CCDC149: variants seen among roughly 807,000 people sequenced by gnomAD.
CCDC149 encodes the protein coiled-coil domain containing 149.
In CCDC149, 45 loss-of-function variants were observed where a neutral mutation model predicts 59.9. The observed-to-expected ratio is 0.75, with a 90% CI of 0.59 to 0.96. The LOEUF is 0.96. Ranked by LOEUF, CCDC149 falls within the 40% of genes least tolerant of loss-of-function variation. The pLI, the probability that CCDC149 is intolerant of heterozygous loss-of-function variation, is 0.00. For synonymous variants in CCDC149, 245 were observed against 260.6 expected, an observed-to-expected ratio of 0.94 and a Z score of 0.58; for missense variants, 584 against 664.7, an observed-to-expected ratio of 0.88 and a Z score of 1.33.
At chr4:24,916,220 C>T (rs1481950952), upstream of CCDC149, among the ~76,000 whole-genome samples, 4 of 152,104 alleles carry the variant, frequency 2.6e-5, no homozygotes, top group Non-Finnish European at 5.9e-5. Flanking sequence ...AGCCCCGGGA[C>T]CAGTTTTATT....
At chr4:24,976,206 C>G (rs975726400) in intron 1 of CCDC149, among the ~76,000 whole-genome samples, 3 of 152,142 alleles carry the variant, frequency 2.0e-5, no homozygotes, top group Admixed American at 6.6e-5. Flanking sequence ...TCAAAGAGAT[C>G]CTTACTAATC....
chr4:24,861,653 C>A (rs1718392834), intron 3 of CCDC149, among the ~76,000 whole-genome samples: 1 of 151,964 alleles, frequency 6.6e-6, no homozygotes, highest in Non-Finnish European at 1.5e-5. Context: ...AAAATGTAAC[C>A]CCCTTGTAAG....
intron 2 of CCDC149, among the ~76,000 whole-genome samples, chr4:24,875,091 G>T (rs778396898): frequency 6.6e-6 from 1 of 152,110 alleles, no homozygotes; most frequent in African/African-American, 2.4e-5. Context: ...GGCAGATCAC[G>T]AGGTCAGGAG....
In CCDC149 at chr4:24,905,720, G is replaced by C. The variant is rs184078020; in HGVS notation, c.63+7097C>G. Among the ~76,000 whole-genome samples the C allele has an allele frequency of 2.8e-3, 421 of 152,302 alleles. 6 individuals are homozygous for C. The highest frequency in any genetic ancestry group is 9.6e-3 in the African/African-American group (400 of 41,564). ...CAAAATGCTGGCATTACAGGCGTGA[G>C]CCATGGTGCCCAGCCTACTCTTATT... On this transcript the variant is annotated intron_variant, in intron 1 of 12. Coordinates refer to ENST00000635206, the MANE Select transcript of CCDC149 (RefSeq NM_001330643.2).
chr4:24,954,985 A>C (rs1577504700), intron 1 of CCDC149, among the ~76,000 whole-genome samples: 1 of 152,290 alleles, frequency 6.6e-6, no homozygotes, highest in South Asian at 2.1e-4. Flanking sequence ...TCTACATTTT[A>C]TTATAAGTAG....
chr4:24,965,872 T>C (rs1488931422), intron 1 of CCDC149, among the ~76,000 whole-genome samples: 1 of 152,250 alleles, frequency 6.6e-6, no homozygotes, highest in Middle Eastern at 3.2e-3. Flanking sequence ...CCCCGCACGT[T>C]ATGTAACCAT....
Position 24,819,912 on chromosome 4 carries a change from G to A in CCDC149, c.1139C>T (p.Pro380Leu). The change falls in exon 12 of 13, where the codon CCA becomes CTA. Residue 380 changes from proline to leucine, a missense_variant. Pro to Leu is a moderately conservative substitution (Grantham distance 98, BLOSUM62 -3). Coordinates refer to ENST00000635206, the MANE Select transcript of CCDC149 (RefSeq NM_001330643.2). ...GGGCTGCTCGACAAACTTCAGCAGT[G>A]GGGATCTCGACCTCTGTCCACTAGG... 1 of 1,551,688 alleles carries A rather than the reference G, an allele frequency of 6.4e-7. No individual in the cohort carries two copies. Among genetic ancestry groups the A allele is most frequent in the Non-Finnish European group, 8.7e-7 (1 of 1,146,990 alleles).
At chr4:24,954,916 TGAGAA>T (rs1405624020) in intron 1 of CCDC149, among the ~76,000 whole-genome samples, 11 of 152,258 alleles carry the variant, frequency 7.2e-5, no homozygotes, top group Non-Finnish European at 1.5e-4. Context: ...ATGGTTAAAC[TGAGAA>T]TTTTTAAAAT....
At chr4:24,970,221 C>T (rs1723918444) in intron 1 of CCDC149, among the ~76,000 whole-genome samples, 1 of 152,216 alleles carries the variant, frequency 6.6e-6, no homozygotes. Context: ...GGACTCAGCC[C>T]ACACCTACAC....
At chr4:24,832,768 C>T (rs549760891) in intron 8 of CCDC149, among the ~76,000 whole-genome samples, 103 of 152,296 alleles carry the variant, frequency 6.8e-4, no homozygotes, top group African/African-American at 2.4e-3. Flanking sequence ...TTCCATACTT[C>T]TGCAAATAGA....
chr4:24,950,969 T>G (rs1220298908), intron 1 of CCDC149, among the ~76,000 whole-genome samples: 1 of 152,216 alleles, frequency 6.6e-6, no homozygotes, highest in African/African-American at 2.4e-5. Context: ...GGAAACAGAT[T>G]CCCTCAACAT....
chr4:24,831,173 T>C (rs1028351214), intron 9 of CCDC149: 1 of 183,584 alleles, frequency 5.4e-6, no homozygotes, highest in Admixed American at 6.1e-5. Flanking sequence ...ACTGAGGCAG[T>C]TTCTCCCCTA....
rs1194269749 is a variant in CCDC149, at chr4:24,808,827, C to T, written c.1193-8G>A. On this transcript the variant is annotated splice_polypyrimidine_tract_variant and splice_region_variant and intron_variant, in intron 12 of 12. Transcript: ENST00000635206. ...CTTGCTTCTGAGCCTCCCCTGAAAA[C>T]AGAACGAGGACAACATTAAACCTCT... 3 of 1,540,776 alleles carry T rather than the reference C, an allele frequency of 1.9e-6. No homozygotes were observed. Among genetic ancestry groups the T allele is most frequent in the South Asian group, 2.4e-5 (2 of 82,222 alleles).
chr4:24,886,191 G>A (rs1720168785), intron 1 of CCDC149, among the ~76,000 whole-genome samples: 1 of 152,198 alleles, frequency 6.6e-6, no homozygotes, highest in South Asian at 2.1e-4. Flanking sequence ...GGAATATATT[G>A]GAAGGATACT....
intron 1 of CCDC149, among the ~76,000 whole-genome samples, chr4:24,905,410 CGTGCGTGTGTGTGTGT>C (rs1254459482): frequency 1.6e-3 from 147 of 93,820 alleles, no homozygotes; most frequent in Non-Finnish European, 3.2e-3. Context: ...TTTTTGCGTG[CGTGCGTGTGTGTGTGT>C]GTGTGTGTGT....
At chr4:24,803,521 G>A (rs1355452312), downstream of CCDC149, among the ~76,000 whole-genome samples, 1 of 151,590 alleles carries the variant, frequency 6.6e-6, no homozygotes, top group African/African-American at 2.4e-5. This position sits in a 1 kb window ranked among gnomAD's most constrained non-coding sequence, Gnocchi z 4.3. Context: ...ATCTCTATCA[G>A]GAAAATTGCC....
intron 4 of CCDC149, among the ~76,000 whole-genome samples, chr4:24,846,628 G>T (rs1396983496): frequency 6.6e-6 from 1 of 152,122 alleles, no homozygotes; most frequent in Non-Finnish European, 1.5e-5. Flanking sequence ...GTCAATAGAG[G>T]TATGTTCACA....
chr4:24,894,867 C>G (rs1316660593), intron 1 of CCDC149: 2 of 1,236,558 alleles, frequency 1.6e-6, no homozygotes, highest in Admixed American at 4.7e-5. Context: ...ACCCCTGCAG[C>G]CTGTGCTAGA....
chr4:24,942,260 A>G (rs562729470), intron 1 of CCDC149, among the ~76,000 whole-genome samples: 84 of 152,288 alleles, frequency 5.5e-4, no homozygotes, highest in African/African-American at 1.8e-3. Context: ...ATCAATAAAC[A>G]TAATCCAGCA....
Sources: allele counts gnomAD v4.1 joint callset (sites outside exome capture counted in the v4.1 genomes callset), GRCh38; gene constraint gnomAD v4.1.1; non-coding constraint Gnocchi (gnomAD v3.1); transcripts MANE v1.5; gene names NCBI Gene and HGNC (gene_info 2026-07-23, HGNC 2026-07-21).